Variants in NELFA observed in about 807,000 individuals in gnomAD.
NELFA encodes the protein negative elongation factor complex member A, also known as negative elongation factor A.
Under a neutral mutation model 51.8 loss-of-function variants are expected in NELFA, and 35 were observed. That is an observed-to-expected ratio of 0.68 (90% CI 0.52 to 0.90). The LOEUF is 0.90. NELFA is among the 40% of genes least tolerant of loss of function. The probability of loss-of-function intolerance (pLI) is 0.00; values close to 1 mark genes in which losing one functional copy is unlikely to be tolerated. For missense variants in NELFA, 658 were observed against 746.4 expected (o/e 0.88, Z 1.38); for synonymous variants, 417 against 338.4 (o/e 1.23, Z -2.55).
intron 1 of NELFA, among the ~76,000 whole-genome samples, chr4:2,004,478 G>A (rs1728657816): frequency 6.6e-6 from 1 of 151,960 alleles, no homozygotes; most frequent in Admixed American, 6.6e-5. Context: ...TAATTATATG[G>A]TACATAAAAT....
At chr4:2,008,623 G>A in intron 1 of NELFA, 127 bp downstream of exon 1, 1 of 1,109,716 alleles carries the variant, frequency 9.0e-7, no homozygotes, top group South Asian at 1.5e-5. Context: ...CGGGCCGGGG[G>A]GGTTAACAGT....
rs1728206968 is a variant in NELFA at position 1,989,360 on chromosome 4, C to T, written c.544+348G>A. Among the ~76,000 whole-genome samples the T allele has an allele frequency of 6.6e-6, 1 of 151,676 alleles. No homozygotes were observed. The highest frequency in any genetic ancestry group is 1.5e-5 in the Non-Finnish European group (1 of 67,858). Reference sequence around the variant, plus strand: ...TCTTCTTTTTCTTGAGACAGGGTCTCACTCTCTCCCAGGCTGGAGTGTAGT... The same window carrying T: ...TCTTCTTTTTCTTGAGACAGGGTCTTACTCTCTCCCAGGCTGGAGTGTAGT... On this transcript the variant is annotated intron_variant, in intron 3 of 10. Transcript: ENST00000382882. The surrounding 1 kb of genome is among the most constrained non-coding windows in gnomAD (Gnocchi z 4.8).
Position 1,983,225 on chromosome 4 carries a change from G to T in NELFA, c.*94C>A. 7.4e-7 allele frequency: 1 copy of T among 1,356,840 alleles called. No homozygotes were observed. Among genetic ancestry groups the T allele is most frequent in the East Asian group, 2.4e-5 (1 of 42,016 alleles). The allele number at this position is 1,356,840 out of a possible 1,614,324, so 84.1% of individuals were successfully genotyped here. A position where few individuals can be genotyped will look rare whatever the true frequency, so the allele number is the denominator to read the frequency against. ...GCAGGGCGGCGGCCGGGGGACCTCG[G>T]GGGCCAGGTGTCCGCCATCCGGTTA... On this transcript the variant is annotated 3_prime_UTR_variant, in exon 11 of 11. Transcript: ENST00000382882.
intron 4 of NELFA, chr4:1,986,710 T>A: frequency 2.8e-6 from 1 of 362,640 alleles, no homozygotes; most frequent in Non-Finnish European, 5.2e-6. Context: ...TTCCTGTGCC[T>A]CCACCGGCAG....
At chr4:1,987,845 G>A in intron 4 of NELFA, 73 bp downstream of exon 4, 1 of 1,283,642 alleles carries the variant, frequency 7.8e-7, no homozygotes, top group Non-Finnish European at 1.1e-6. Flanking sequence ...CCCCAACAGG[G>A]AGCGGGTCTC....
In NELFA at chr4:1,983,313, G is replaced by A. The variant is rs777167965; in HGVS notation, c.*6C>T. 6.2e-7 allele frequency: 1 copy of A among 1,607,418 alleles called. No individual in the cohort carries two copies. The highest frequency in any genetic ancestry group is 8.5e-7 in the Non-Finnish European group (1 of 1,174,826). On this transcript the variant is annotated 3_prime_UTR_variant, in exon 11 of 11. Coordinates refer to ENST00000382882, the MANE Select transcript of NELFA (RefSeq NM_005663.5). ...CAAGTGACGGCCAGCTGTGAGGCAG[G>A]TGGTTCTAGGACACATTGGTCATGG...
At position 1,983,214 on chromosome 4, in the gene NELFA, G is replaced by A. The variant is rs1296865316; in HGVS notation, c.*105C>T. 27 of 1,204,880 alleles carry A rather than the reference G, an allele frequency of 2.2e-5. No individual in the cohort carries two copies. Among genetic ancestry groups the A allele is most frequent in the East Asian group, 9.8e-5 (4 of 40,956 alleles). 74.6% of individuals were successfully genotyped at this position (1,204,880 alleles called of 1,614,324 possible). On this transcript the variant is annotated 3_prime_UTR_variant, in exon 11 of 11. Transcript: ENST00000382882. Reference sequence around the variant, plus strand: ...CTGGGTCAGCAGCAGGGCGGCGGCCGGGGGACCTCGGGGGCCAGGTGTCCG... The same window carrying A: ...CTGGGTCAGCAGCAGGGCGGCGGCCAGGGGACCTCGGGGGCCAGGTGTCCG...
At chr4:2,005,578 G>T (rs1231904376) in intron 1 of NELFA, among the ~76,000 whole-genome samples, 1 of 152,072 alleles carries the variant, frequency 6.6e-6, no homozygotes, top group Non-Finnish European at 1.5e-5. Context: ...TGTAATCCCA[G>T]TTACTCGGGA....
At chr4:1,991,224 T>A (rs1023911079) in intron 2 of NELFA, among the ~76,000 whole-genome samples, 1 of 152,200 alleles carries the variant, frequency 6.6e-6, no homozygotes, top group Non-Finnish European at 1.5e-5. Flanking sequence ...ACCTAGGATC[T>A]ACAGATACCA....
intron 8 of NELFA, 44 bp downstream of exon 8, chr4:1,984,764 G>A (rs1374759236): frequency 7.0e-7 from 1 of 1,432,226 alleles, no homozygotes; most frequent in South Asian, 1.2e-5. Flanking sequence ...GTCATGTCCT[G>A]GCAGGCAGCT....
chr4:1,986,001 G>A (rs1728079735), intron 6 of NELFA, 113 bp downstream of exon 6: 1 of 1,375,056 alleles, frequency 7.3e-7, no homozygotes, highest in Non-Finnish European at 9.9e-7. Context: ...CACCCACGGA[G>A]AGCAGCCTCA....
chr4:1,999,780 A>T (rs942310978), intron 1 of NELFA, among the ~76,000 whole-genome samples: 1 of 152,240 alleles, frequency 6.6e-6, no homozygotes, highest in Non-Finnish European at 1.5e-5. Context: ...CTCTGGATCA[A>T]GTGGACCTAG....
chr4:1,994,724 G>A (rs998461851), intron 1 of NELFA, among the ~76,000 whole-genome samples: 1 of 151,674 alleles, frequency 6.6e-6, no homozygotes, highest in Non-Finnish European at 1.5e-5. Flanking sequence ...GCGTGGTGGT[G>A]GGCACCTGTA....
intron 1 of NELFA, among the ~76,000 whole-genome samples, chr4:1,996,742 G>A (rs1728433146): frequency 6.6e-6 from 1 of 152,152 alleles, no homozygotes; most frequent in South Asian, 2.1e-4. Flanking sequence ...GACCAGACTG[G>A]CCAACGTGGC....
Position 1,987,981 on chromosome 4 carries a change from G to A in NELFA, c.571C>T (p.Arg191Trp), listed in dbSNP as rs369461068. 5.6e-6 allele frequency: 9 copies of A among 1,610,802 alleles called. No individual in the cohort carries two copies. Among genetic ancestry groups the A allele is most frequent in the Non-Finnish European group, 5.9e-6 (7 of 1,179,724 alleles). ...GCGTGGAAGGGCACCCCGGCGCTCC[G>A]CTTCAACTGCTGGGCGGTCTCCGTG... is the stretch of plus-strand genomic sequence containing the variant. ...KSTETAQQLK[R>W]SAGVPFHAKG... Residue 191 changes from arginine (R) to tryptophan (W), a missense_variant, in exon 4 of 11, where the codon CGG becomes TGG. Physicochemically the swap from Arg to Trp is moderately radical, Grantham distance 101. Coordinates refer to ENST00000382882, the MANE Select transcript of NELFA (RefSeq NM_005663.5).
chr4:2,008,222 C>G (rs1250219789), intron 1 of NELFA, among the ~76,000 whole-genome samples: 3 of 152,090 alleles, frequency 2.0e-5, no homozygotes, highest in Non-Finnish European at 4.4e-5. Context: ...GGCGCACCCC[C>G]GCTCCAAGAG....
intron 1 of NELFA, among the ~76,000 whole-genome samples, chr4:2,007,731 G>C (rs1464990261): frequency 6.6e-6 from 1 of 152,196 alleles, no homozygotes; most frequent in Non-Finnish European, 1.5e-5. Context: ...CCTGTGTAAG[G>C]ATCACAGGAG....
intron 1 of NELFA, among the ~76,000 whole-genome samples, chr4:2,000,986 A>G (rs957183281): frequency 2.0e-5 from 3 of 152,242 alleles, no homozygotes; most frequent in Non-Finnish European, 2.9e-5. Context: ...AGGCTGGTTC[A>G]ACATACGCAA....
At chr4:2,004,809 CT>C (rs760686190) in intron 1 of NELFA, among the ~76,000 whole-genome samples, 2,580 of 119,306 alleles carry the variant, frequency 0.022, 40 homozygotes, top group African/African-American at 0.063. Flanking sequence ...TTTAATAAAG[CT>C]TTTTTTTTTT....
Sources: allele counts gnomAD v4.1 joint callset (sites outside exome capture counted in the v4.1 genomes callset), GRCh38; gene constraint gnomAD v4.1.1; non-coding constraint Gnocchi (gnomAD v3.1); transcripts MANE v1.5; gene names NCBI Gene and HGNC (gene_info 2026-07-23, HGNC 2026-07-21).